Variants in AMZ1 observed in about 807,000 individuals in gnomAD.
The protein encoded by AMZ1 is archaelysin family metallopeptidase 1.
In AMZ1, 39 loss-of-function variants were observed where a neutral mutation model predicts 29.9. The ratio of observed to expected loss-of-function variants is 1.30; its 90% CI spans 1.01 to 1.70. The LOEUF is 1.70. AMZ1 is among the 40% of genes most tolerant of loss of function. AMZ1 has a pLI of 0.00. For missense variants in AMZ1, 1,041 were observed against 680.6 expected, an observed-to-expected ratio of 1.53 and a Z score of -5.89; for synonymous variants, 458 against 304.0, an observed-to-expected ratio of 1.51 and a Z score of -5.27.
upstream of AMZ1, among the ~76,000 whole-genome samples, chr7:2,685,116 G>T (rs544637291): frequency 1.3e-5 from 2 of 151,636 alleles, no homozygotes; most frequent in Non-Finnish European, 2.9e-5. Flanking sequence ...TGATCCGCCC[G>T]CCTCGGCCTC....
At chr7:2,733,372 A>T in intron 4 of AMZ1, 1 of 1,199,042 alleles carries the variant, frequency 8.3e-7, no homozygotes, top group Non-Finnish European at 1.2e-6. Context: ...CAAAGTCCTC[A>T]CAACGTGGAC....
At chr7:2,690,007 C>T (rs959224324) in intron 1 of AMZ1, among the ~76,000 whole-genome samples, 4 of 152,098 alleles carry the variant, frequency 2.6e-5, no homozygotes, top group African/African-American at 9.7e-5. Context: ...CCGGGGTTTT[C>T]CTGAATGACC....
chr7:2,695,496 T>C (rs1787655761), intron 1 of AMZ1, among the ~76,000 whole-genome samples: 1 of 150,960 alleles, frequency 6.6e-6, no homozygotes, highest in African/African-American at 2.4e-5. Flanking sequence ...AAGGGAGGAT[T>C]GCTTGAGCCT....
At chr7:2,721,294 G>A (rs76997121), downstream of AMZ1, among the ~76,000 whole-genome samples, 353 of 152,330 alleles carry the variant, frequency 2.3e-3, 3 homozygotes, top group African/African-American at 8.2e-3. Context: ...GCCGCGCACC[G>A]CAGATGTGTG....
At chr7:2,734,963 C>T (rs1421769806) in intron 4 of AMZ1, among the ~76,000 whole-genome samples, 3 of 152,206 alleles carry the variant, frequency 2.0e-5, no homozygotes, top group Non-Finnish European at 2.9e-5. Context: ...CTCCCTTCCT[C>T]GCCAAGCCCC....
chr7:2,698,511 C>T (rs1429457497), intron 1 of AMZ1, among the ~76,000 whole-genome samples: 2 of 151,902 alleles, frequency 1.3e-5, no homozygotes, highest in Non-Finnish European at 2.9e-5. Context: ...GCATTCTAGC[C>T]TGGGCGACAC....
rs1432197751 is a variant in AMZ1 at position 2,707,848 on chromosome 7, G to A, written c.473-740G>A. Among the ~76,000 whole-genome samples, 4 of 129,740 alleles carry A rather than the reference G, an allele frequency of 3.1e-5. No individual in the cohort carries two copies. In the East Asian group the frequency reaches 8.5e-4, roughly 27 times the overall value. 85.1% of individuals were successfully genotyped at this position (129,740 alleles called of 152,430 possible). A position where few individuals can be genotyped will look rare whatever the true frequency, so the allele number is the denominator to read the frequency against. On this transcript the variant is annotated intron_variant, in intron 3 of 6. Coordinates refer to ENST00000683327, the MANE Select transcript of AMZ1 (RefSeq NM_001384743.1). ...TTTTTTTTTTTTTTTTTTTGAGATGGAGTCTGGCTCTGTTGCCCAGGCTAG... is the reference window on the plus strand; with the variant it reads ...TTTTTTTTTTTTTTTTTTTGAGATGAAGTCTGGCTCTGTTGCCCAGGCTAG...
Position 2,708,670 on chromosome 7 carries a change from C to G in AMZ1, c.555C>G (p.Pro185=), listed in dbSNP as rs779553598. Residue 185 remains proline (P), a synonymous_variant, in exon 4 of 7, where the codon CCC becomes CCG. Coordinates refer to ENST00000683327, the MANE Select transcript of AMZ1 (RefSeq NM_001384743.1). Reference sequence around the variant, plus strand: ...GCCTCACACTGTCTGACCTGTACCCCCATGAGGCCTGGAGCTTCACCTTCA... The same window carrying G: ...GCCTCACACTGTCTGACCTGTACCCGCATGAGGCCTGGAGCTTCACCTTCA... ...VLGLTLSDLY[P]HEAWSFTFSK... is the part of the protein sequence containing the mutation. 8.7e-6 allele frequency: 14 copies of G among 1,613,222 alleles called. 1 individual carries two copies. In the South Asian group the frequency reaches 1.4e-4, roughly 16 times the overall value.
chr7:2,719,001 C>T lies in AMZ1; in HGVS notation c.*6123C>T. Among the ~76,000 whole-genome samples, 1 of 141,306 alleles carries T rather than the reference C, an allele frequency of 7.1e-6. No homozygotes were observed. Among genetic ancestry groups the T allele is most frequent in the Non-Finnish European group, 1.5e-5 (1 of 66,334 alleles). 92.7% of individuals were successfully genotyped at this position (141,306 alleles called of 152,430 possible). A position where few individuals can be genotyped will look rare whatever the true frequency, so the allele number is the denominator to read the frequency against. The stretch of plus-strand genomic sequence containing the variant: ...GAAAGAGGGAGGGAAGCTGCAAGAA[C>T]AGGCGACTTTTTTTTTTTTTTTTCC... On this transcript the variant is annotated 3_prime_UTR_variant, in exon 7 of 7. Transcript: ENST00000683327.
In AMZ1 at chr7:2,712,547, C is replaced by T. The variant is rs1276075162; in HGVS notation, c.1166C>T (p.Ala389Val). 1 of 1,608,940 alleles carries T rather than the reference C, an allele frequency of 6.2e-7. No individual in the cohort carries two copies. The highest frequency in any genetic ancestry group is 8.5e-7 in the Non-Finnish European group (1 of 1,177,736). ...SGPEEGLSYL[A>V]ASEAPLPPGG... ...CCAGAGGAAGGGCTGAGCTACCTGG[C>T]AGCCTCAGAGGCTCCGCTGCCACCT... is the stretch of plus-strand genomic sequence containing the variant. The change falls in exon 7 of 7, where the codon GCA becomes GTA. Residue 389 changes from alanine to valine, a missense_variant. Physicochemically the swap from Ala to Val is moderately conservative, Grantham distance 64. Coordinates refer to ENST00000683327, the MANE Select transcript of AMZ1 (RefSeq NM_001384743.1).
chr7:2,762,497 G>A (rs914276301), upstream of AMZ1: 15 of 834,474 alleles, frequency 1.8e-5, no homozygotes, highest in Non-Finnish European at 2.5e-5. Flanking sequence ...CCTGAGGTGT[G>A]AGTAGCCTAA....
At chr7:2,752,911 G>C (rs1400716828) in intron 4 of AMZ1, among the ~76,000 whole-genome samples, 2 of 152,142 alleles carry the variant, frequency 1.3e-5, no homozygotes, top group Non-Finnish European at 2.9e-5. Flanking sequence ...CATGCACTTT[G>C]TCACCTGTCT....
In AMZ1 at chr7:2,731,552, G is replaced by A; in HGVS notation, n.550+21736G>A. On this transcript the variant is annotated intron_variant and non_coding_transcript_variant, in intron 4 of 4. Coordinates refer to the AMZ1 transcript ENST00000489665. This position sits in a 1 kb window ranked among gnomAD's most constrained non-coding sequence, Gnocchi z 6.0. ...GTGCGCCTGTCCTCCATGAGGACCT[G>A]GTCGTACTCGCTGGAGGAGACCATG... 6.2e-7 allele frequency: 1 copy of A among 1,611,078 alleles called. No individual in the cohort carries two copies. Among genetic ancestry groups the A allele is most frequent in the Non-Finnish European group, 8.5e-7 (1 of 1,177,788 alleles).
At chr7:2,704,310 C>T (rs1223321317) in intron 3 of AMZ1, among the ~76,000 whole-genome samples, 1 of 152,138 alleles carries the variant, frequency 6.6e-6, no homozygotes, top group Non-Finnish European at 1.5e-5. Flanking sequence ...CAAGACCAGC[C>T]TGGGCAACTA....
In AMZ1 at chr7:2,737,269, G is replaced by GTTTTTT. The variant is rs1317020597; in HGVS notation, n.551-27439_551-27438insTTTTTT. On this transcript the variant is annotated intron_variant and non_coding_transcript_variant, in intron 4 of 4. Transcript: ENST00000489665. ...CATTCAGGAGCTATCTCACAGTTTTGTTTTGTTTTTTTTTTTTTTGTTTTT... is the reference window on the plus strand; with the variant it reads ...CATTCAGGAGCTATCTCACAGTTTTGTTTTTTTTTTGTTTTTTTTTTTTTTGTTTTT... 7.4e-3 allele frequency among the ~76,000 whole-genome samples: 280 copies of GTTTTTT among 38,092 alleles called. 24 individuals are homozygous for GTTTTTT. Among genetic ancestry groups the GTTTTTT allele is most frequent in the South Asian group, 0.016 (21 of 1,284 alleles). The allele number at this position is 38,092 out of a possible 152,430, so 25.0% of individuals were successfully genotyped here.
chr7:2,710,452 G>C (rs1788700038), intron 6 of AMZ1, among the ~76,000 whole-genome samples: 1 of 152,244 alleles, frequency 6.6e-6, no homozygotes, highest in African/African-American at 2.4e-5. Flanking sequence ...AGGCACCAGA[G>C]CAGTCAATGA....
chr7:2,721,230 A>G (rs954653781), downstream of AMZ1, among the ~76,000 whole-genome samples: 1 of 152,224 alleles, frequency 6.6e-6, no homozygotes, highest in Non-Finnish European at 1.5e-5. Context: ...GAGTGGAAGC[A>G]CAGGGACTAA....
At chr7:2,723,043 AAAAAGT>A (rs747998132), downstream of AMZ1, among the ~76,000 whole-genome samples, 4 of 152,242 alleles carry the variant, frequency 2.6e-5, no homozygotes, top group Non-Finnish European at 5.9e-5. Context: ...CTGTGTAAAA[AAAAAGT>A]AAATCTGAAA....
At chr7:2,687,324 C>G (rs1787120004), upstream of AMZ1, among the ~76,000 whole-genome samples, 1 of 149,018 alleles carries the variant, frequency 6.7e-6, no homozygotes, top group Non-Finnish European at 1.5e-5. Context: ...GAGACTCCAT[C>G]TAAAAAAAAA....
Sources: gnomAD v4.1 joint callset for allele counts (sites outside exome capture counted in the v4.1 genomes callset) on GRCh38, gnomAD v4.1.1 for gene constraint, Gnocchi (gnomAD v3.1) non-coding constraint, MANE v1.5 for transcripts, NCBI Gene and HGNC (gene_info 2026-07-23, HGNC 2026-07-21) for gene names.